The following ZBTB38 variants were observed in gnomAD, a reference collection of about 807,000 sequenced individuals.
ZBTB38 encodes zinc finger and BTB domain-containing protein 38.
ZBTB38 carries 20 observed loss-of-function variants against 76.8 expected under a neutral mutation model. The observed-to-expected ratio is 0.26, with a 90% confidence interval of 0.18 to 0.38. ZBTB38 has a LOEUF of 0.38. Among genes scored for constraint, ZBTB38 ranks in the 10% least tolerant of loss-of-function variants. The probability of loss-of-function intolerance (pLI) is 1.00; values close to 1 mark genes in which losing one functional copy is unlikely to be tolerated. For synonymous variants in ZBTB38, 504 were observed against 544.2 expected (o/e 0.93, Z 1.03); for missense variants, 1,082 against 1,482.3 (o/e 0.73, Z 4.43).
At chr3:141,354,554 G>A (rs1024643689) in intron 1 of ZBTB38, among the ~76,000 whole-genome samples, 1 of 152,014 alleles carries the variant, frequency 6.6e-6, no homozygotes, top group Non-Finnish European at 1.5e-5. Flanking sequence ...CTCTTCCAGG[G>A]AGCCTTCCTG....
chr3:141,362,971 A>G (rs1236772833), intron 1 of ZBTB38, among the ~76,000 whole-genome samples: 1 of 152,096 alleles, frequency 6.6e-6, no homozygotes, highest in Non-Finnish European at 1.5e-5. Context: ...TGCATAACAA[A>G]CCCATGAGGT....
Position 141,442,493 on chromosome 3 carries a change from C to A in ZBTB38, c.105C>A (p.Val35=), listed in dbSNP as rs2080497983. The A allele has an allele frequency of 1.9e-6, 3 of 1,614,056 alleles. No homozygotes were observed. The highest frequency in any genetic ancestry group is 4.5e-5 in the East Asian group (2 of 44,894). ...EQRIRGILCD[V]TIIVEDTKFK... is the part of the protein sequence containing the mutation. ...GCATTCGGGGCATTTTATGCGATGT[C>A]ACTATCATTGTGGAAGATACCAAAT... Residue 35 remains valine, a synonymous_variant, in exon 6 of 6, where the codon GTC becomes GTA. Transcript: ENST00000321464. This position sits in a 1 kb window ranked among gnomAD's most constrained non-coding sequence, Gnocchi z 6.4.
chr3:141,354,063 C>T (rs930072198), intron 1 of ZBTB38, among the ~76,000 whole-genome samples: 1 of 152,168 alleles, frequency 6.6e-6, no homozygotes, highest in African/African-American at 2.4e-5. Context: ...TCCCTTCACA[C>T]TCTTACAAAT....
chr3:141,415,976 A>G (rs16851397), intron 5 of ZBTB38, among the ~76,000 whole-genome samples: 9,268 of 152,226 alleles, frequency 0.061, 419 homozygotes, highest in African/African-American at 0.12. Flanking sequence ...TAATGGTGGA[A>G]CGTGTATCAG....
intron 5 of ZBTB38, chr3:141,427,839 T>C (rs2076689625): frequency 6.6e-6 from 1 of 152,342 alleles, no homozygotes; most frequent in Non-Finnish European, 1.5e-5. Context: ...TACATCCTTG[T>C]GGTGGGGGAG....
At chr3:141,359,762 CT>C (rs1265424384) in intron 1 of ZBTB38, among the ~76,000 whole-genome samples, 2 of 151,810 alleles carry the variant, frequency 1.3e-5, no homozygotes, top group Non-Finnish European at 2.9e-5. Context: ...AAGACCTCAT[CT>C]CTACAAAAAG....
intron 5 of ZBTB38, among the ~76,000 whole-genome samples, chr3:141,409,139 G>A (rs1010123019): frequency 8.6e-5 from 13 of 152,022 alleles, no homozygotes; most frequent in Non-Finnish European, 1.5e-4. Context: ...TTTGCCTCCC[G>A]GGTTCAAGTG....
chr3:141,390,360 A>T (rs1948468924), intron 4 of ZBTB38, among the ~76,000 whole-genome samples: 2 of 152,228 alleles, frequency 1.3e-5, no homozygotes, highest in Non-Finnish European at 2.9e-5. Flanking sequence ...CTGTGCAAAC[A>T]ATTGCACTGT....
intron 4 of ZBTB38, chr3:141,402,854 C>T (rs1011927072): frequency 1.3e-5 from 2 of 152,236 alleles, no homozygotes; most frequent in Non-Finnish European, 2.9e-5. Flanking sequence ...CTTTGACAGT[C>T]ACACCTCCCG....
rs114998378 is a variant in ZBTB38, at chr3:141,429,374, C to T, written c.1-13015C>T. The stretch of plus-strand genomic sequence containing the variant: ...GGCGGCAGGTTGCCTTTTGGGGGAT[C>T]GTGAGTGCAGGGAATGGTGGCAGCT... On this transcript the variant is annotated intron_variant, in intron 5 of 5. Coordinates refer to ENST00000321464, the MANE Select transcript of ZBTB38 (RefSeq NM_001376113.1). Among the ~76,000 whole-genome samples, 631 of 151,206 alleles carry T rather than the reference C, an allele frequency of 4.2e-3. 6 individuals carry two copies. The highest frequency in any genetic ancestry group is 0.014 in the African/African-American group (595 of 41,100).
At position 141,422,228 on chromosome 3, in the gene ZBTB38, G is replaced by T. The variant is rs79050324; in HGVS notation, c.-1+18197G>T. 3.8e-3 allele frequency among the ~76,000 whole-genome samples: 575 copies of T among 152,130 alleles called. 3 individuals carry two copies. Among genetic ancestry groups the T allele is most frequent in the African/African-American group, 0.013 (538 of 41,404 alleles). ...GCAGTACTGGGCTACCGTTCACTCA[G>T]GGGGACAGCAGAGGCCTCCTGGGTA... On this transcript the variant is annotated intron_variant, in intron 5 of 5. Coordinates refer to ENST00000321464, the MANE Select transcript of ZBTB38 (RefSeq NM_001376113.1).
intron 3 of ZBTB38, among the ~76,000 whole-genome samples, chr3:141,384,575 G>A (rs1317812260): frequency 6.6e-6 from 1 of 152,172 alleles, no homozygotes; most frequent in Non-Finnish European, 1.5e-5. Context: ...CCCACTCTAA[G>A]GACTCTGCTT....
intron 1 of ZBTB38, among the ~76,000 whole-genome samples, chr3:141,357,736 C>T (rs1943707758): frequency 6.6e-6 from 1 of 152,172 alleles, no homozygotes; most frequent in Non-Finnish European, 1.5e-5. Flanking sequence ...ATCTGCCCAC[C>T]TCAGCCTCCC....
At position 141,413,785 on chromosome 3, in the gene ZBTB38, A is replaced by G. The variant is rs2073240874; in HGVS notation, c.-1+9754A>G. On this transcript the variant is annotated intron_variant, in intron 5 of 5. Coordinates refer to ENST00000321464, the MANE Select transcript of ZBTB38 (RefSeq NM_001376113.1). This position sits in a 1 kb window ranked among gnomAD's most constrained non-coding sequence, Gnocchi z 4.1. ...AGTACCCCTTTTTCTTGAAGCTTGA[A>G]CAGACTTTATCATTAATGTGACTGA... Among the ~76,000 whole-genome samples the G allele has an allele frequency of 6.6e-6, 1 of 152,214 alleles. No homozygotes were observed. Among genetic ancestry groups the G allele is most frequent in the African/African-American group, 2.4e-5 (1 of 41,460 alleles).
At chr3:141,377,462 C>A (rs914264187) in intron 2 of ZBTB38, among the ~76,000 whole-genome samples, 8 of 152,148 alleles carry the variant, frequency 5.3e-5, no homozygotes, top group African/African-American at 1.4e-4. Context: ...CAAATGCTGG[C>A]AAACATGTGG....
chr3:141,417,626 G>T lies in ZBTB38; in HGVS notation c.-1+13595G>T, dbSNP rs115628735. Among the ~76,000 whole-genome samples, 1,195 of 152,216 alleles carry T rather than the reference G, an allele frequency of 7.9e-3. 19 individuals are homozygous for T. The highest frequency in any genetic ancestry group is 0.027 in the African/African-American group (1,134 of 41,518). On this transcript the variant is annotated intron_variant, in intron 5 of 5. Transcript: ENST00000321464. ...CTCCAGACATCCTTCTAGCCAAACTGCTTTCAGAGTGACCTGTCTGCAAAT... is the reference window on the plus strand; with the variant it reads ...CTCCAGACATCCTTCTAGCCAAACTTCTTTCAGAGTGACCTGTCTGCAAAT...
At chr3:141,343,233 C>A (rs999408785) in intron 1 of ZBTB38, among the ~76,000 whole-genome samples, 1 of 152,120 alleles carries the variant, frequency 6.6e-6, no homozygotes, top group Non-Finnish European at 1.5e-5. Flanking sequence ...TCCTTCCCCA[C>A]TCAGGGAAAA....
In ZBTB38 at chr3:141,443,587, C is replaced by G. The variant is rs2080682727; in HGVS notation, c.1199C>G (p.Pro400Arg). The change falls in exon 6 of 6, where the codon CCC becomes CGC. Residue 400 changes from proline (P) to arginine (R), a missense_variant. Physicochemically the swap from Pro to Arg is moderately radical, Grantham distance 103 (BLOSUM62 -2). Transcript: ENST00000321464. This position sits in a 1 kb window ranked among gnomAD's most constrained non-coding sequence, Gnocchi z 5.6. ...EQICMRSSHMPIPGGNQRFLE... is the reference protein window; with the variant it reads ...EQICMRSSHMRIPGGNQRFLE... ...ATCTGCATGAGGTCAAGCCACATGCCCATTCCTGGAGGAAACCAACGCTTT... is the reference window on the plus strand; with the variant it reads ...ATCTGCATGAGGTCAAGCCACATGCGCATTCCTGGAGGAAACCAACGCTTT... 3 of 1,614,064 alleles carry G rather than the reference C, an allele frequency of 1.9e-6. No individual in the cohort carries two copies. The highest frequency in any genetic ancestry group is 1.7e-6 in the Non-Finnish European group (2 of 1,180,050).
rs1320463860 is a variant in ZBTB38, at chr3:141,355,137, AC to A, written c.-738-13483del. Among the ~76,000 whole-genome samples the A allele has an allele frequency of 7.9e-5, 12 of 152,224 alleles. 1 individual carries two copies. The East Asian group carries it at 2.3e-3, about 29-fold the overall frequency. The stretch of plus-strand genomic sequence containing the variant: ...GAGTTGAGGAAGCTCTCCTCAAAGT[AC>A]AAGCACTCCTCTCTTTCCAGGGAAT... On this transcript the variant is annotated intron_variant, in intron 1 of 7. Coordinates refer to the ZBTB38 transcript ENST00000509842.
Sources: allele counts gnomAD v4.1 joint callset (sites outside exome capture counted in the v4.1 genomes callset), GRCh38; gene constraint gnomAD v4.1.1; non-coding constraint Gnocchi (gnomAD v3.1); transcripts MANE v1.5; gene names NCBI Gene and HGNC (gene_info 2026-07-23, HGNC 2026-07-21).